Variants in NCOR2 observed in about 807,000 individuals in gnomAD.
NCOR2 encodes the protein nuclear receptor corepressor 2.
A neutral mutation model predicts 262.9 loss-of-function variants in NCOR2; 81 were observed. The observed-to-expected ratio is 0.31, with a 90% CI of 0.26 to 0.37. The LOEUF (loss-of-function observed/expected upper bound fraction) is 0.37. Among genes scored for constraint, NCOR2 ranks in the 10% least tolerant of loss-of-function variants. The pLI, the probability that NCOR2 is intolerant of heterozygous loss-of-function variation, is 1.00. For synonymous variants in NCOR2, 1,659 were observed against 1,559.3 expected, an observed-to-expected ratio of 1.06 and a Z score of -1.51; for missense variants, 3,385 against 3,621.4, an observed-to-expected ratio of 0.93 and a Z score of 1.68.
chr12:124,344,389 G>C (rs533273477), intron 32 of NCOR2, among the ~76,000 whole-genome samples: 34 of 152,346 alleles, frequency 2.2e-4, no homozygotes, highest in Admixed American at 5.9e-4. Context: ...GAAGCTAGGT[G>C]AGACACCACG....
At chr12:124,334,581 G>C (rs2035707740) in exon 41 of NCOR2, 1 of 1,414,228 alleles carries the variant, frequency 7.1e-7, no homozygotes, top group Admixed American at 3.2e-5. Flanking sequence ...CTGAGCTGCT[G>C]TGGGTGGTGC....
At chr12:124,332,000 T>C (rs1405498992) in intron 43 of NCOR2, 4 of 346,376 alleles carry the variant, frequency 1.2e-5, no homozygotes, top group Non-Finnish European at 2.2e-5. Context: ...GTGCTGAGTG[T>C]GGGAGGCGCC....
chr12:124,479,218 ACACATGCACACACACGTG>A (rs1355536250), intron 3 of NCOR2, among the ~76,000 whole-genome samples: 4 of 152,216 alleles, frequency 2.6e-5, no homozygotes, highest in Admixed American at 6.5e-5. Flanking sequence ...CTGCGCACAA[ACACATGCACACACACGTG>A]CACATGCACA....
At chr12:124,565,270 G>C (rs1489126940) in intron 1 of NCOR2, among the ~76,000 whole-genome samples, 1 of 152,116 alleles carries the variant, frequency 6.6e-6, no homozygotes, top group Non-Finnish European at 1.5e-5. Flanking sequence ...CTGGGCACCG[G>C]CACCACAGAC....
chr12:124,456,244 G>A (rs954623278), intron 6 of NCOR2, among the ~76,000 whole-genome samples: 2 of 152,224 alleles, frequency 1.3e-5, no homozygotes, highest in African/African-American at 4.8e-5. Context: ...TGCACACAGA[G>A]ACTCTCCCTC....
intron 13 of NCOR2, among the ~76,000 whole-genome samples, chr12:124,403,166 A>G (rs2042073721): frequency 6.6e-6 from 1 of 152,028 alleles, no homozygotes; most frequent in South Asian, 2.1e-4. Context: ...TCGGTCTCCG[A>G]GTCTGTAAAA....
chr12:124,509,643 G>T (rs542241720), intron 1 of NCOR2, among the ~76,000 whole-genome samples: 1 of 152,304 alleles, frequency 6.6e-6, no homozygotes, highest in African/African-American at 2.4e-5. Flanking sequence ...AAATGGAATG[G>T]GAGACCCAGG....
At chr12:124,501,175 G>A (rs925000445) in intron 1 of NCOR2, among the ~76,000 whole-genome samples, 2 of 151,814 alleles carry the variant, frequency 1.3e-5, no homozygotes, top group African/African-American at 4.8e-5. Flanking sequence ...GCGGAACCAC[G>A]GCGGGAACAC....
chr12:124,359,164 C>T (rs1395818696), intron 22 of NCOR2, among the ~76,000 whole-genome samples: 1 of 152,234 alleles, frequency 6.6e-6, no homozygotes, highest in Admixed American at 6.5e-5. Flanking sequence ...GAAATCTGTC[C>T]TCAGCTCTGA....
At chr12:124,529,496 AT>A (rs2050674626) in intron 1 of NCOR2, among the ~76,000 whole-genome samples, 1 of 152,214 alleles carries the variant, frequency 6.6e-6, no homozygotes, top group African/African-American at 2.4e-5. Flanking sequence ...AAATAAAAAA[AT>A]AAATAACAAC....
In NCOR2 at chr12:124,483,341, C is replaced by G. The variant is rs1482701042; in HGVS notation, c.411+255G>C. On this transcript the variant is annotated intron_variant, in intron 3 of 46. Transcript: ENST00000405201. The surrounding 1 kb of genome is among the most constrained non-coding windows in gnomAD (Gnocchi z 6.3). ...CCCGTGACCACAAGCCTATTCCTGCCCCAGGGCCTTTGCACTTGCTGCTCT... is the reference window on the plus strand; with the variant it reads ...CCCGTGACCACAAGCCTATTCCTGCGCCAGGGCCTTTGCACTTGCTGCTCT... Among the ~76,000 whole-genome samples the G allele has an allele frequency of 6.6e-6, 1 of 152,198 alleles. No homozygotes were observed. The highest frequency in any genetic ancestry group is 1.5e-5 in the Non-Finnish European group (1 of 68,026).
In NCOR2 at chr12:124,400,481, A is replaced by G. The variant is rs1233535657; in HGVS notation, c.1813+20T>C. On this transcript the variant is annotated intron_variant, in intron 15 of 46. Coordinates refer to ENST00000405201, the Ensembl canonical transcript of NCOR2. ...TGTCTCCAGCCCCTTCCCCACCCGC[A>G]TCCCTGGCCCCCAGCTCACCCAGCT... 1.2e-6 allele frequency: 2 copies of G among 1,605,448 alleles called. No homozygotes were observed. Among genetic ancestry groups the G allele is most frequent in the South Asian group, 1.1e-5 (1 of 90,952 alleles).
intron 1 of NCOR2, among the ~76,000 whole-genome samples, chr12:124,563,577 T>C (rs973217597): frequency 6.6e-6 from 1 of 152,262 alleles, no homozygotes; most frequent in African/African-American, 2.4e-5. Context: ...GCCCAGCCTA[T>C]GGGCACTCCA....
intron 38 of NCOR2, 92 bp from the exon 41 acceptor site, chr12:124,335,724 G>T (rs917772803): frequency 2.1e-6 from 3 of 1,411,576 alleles, no homozygotes; most frequent in South Asian, 1.4e-5. Context: ...CTGGGACCCC[G>T]GGGGGGTCAA....
In NCOR2 at chr12:124,481,674, G is replaced by A. The variant is rs2047498454; in HGVS notation, c.411+1922C>T. 6.6e-6 allele frequency among the ~76,000 whole-genome samples: 1 copy of A among 152,182 alleles called. No individual in the cohort carries two copies. The highest frequency in any genetic ancestry group is 2.1e-4 in the South Asian group (1 of 4,836). The stretch of plus-strand genomic sequence containing the variant: ...GTTGAGAGGGCTGCTGCAGGGAGAT[G>A]AGGTCAGGGAGGTGACGGGGCTGGA... On this transcript the variant is annotated intron_variant, in intron 3 of 46. Transcript: ENST00000405201. The surrounding 1 kb of genome is among the most constrained non-coding windows in gnomAD (Gnocchi z 4.6).
Position 124,458,930 on chromosome 12 carries a change from G to C in NCOR2, c.706-1768C>G, listed in dbSNP as rs74856799. The stretch of plus-strand genomic sequence containing the variant: ...CTAAGCCAGGCCCAGTGAAGGACTG[G>C]GTATGGGGTAGCATGGGGGCAGGGC... On this transcript the variant is annotated intron_variant, in intron 5 of 46. Coordinates refer to ENST00000405201, the Ensembl canonical transcript of NCOR2. 6.3e-3 allele frequency among the ~76,000 whole-genome samples: 955 copies of C among 152,278 alleles called. 3 individuals carry two copies. The highest frequency in any genetic ancestry group is 0.011 in the Non-Finnish European group (755 of 68,004).
At chr12:124,412,947 C>G (rs1261677559) in intron 13 of NCOR2, among the ~76,000 whole-genome samples, 1 of 152,230 alleles carries the variant, frequency 6.6e-6, no homozygotes, top group Non-Finnish European at 1.5e-5. Context: ...GGGCACAGCC[C>G]CAGGATGCTG....
intron 17 of NCOR2, among the ~76,000 whole-genome samples, chr12:124,379,983 G>A (rs2040293129): frequency 1.3e-5 from 2 of 152,168 alleles, no homozygotes; most frequent in Admixed American, 6.5e-5. Context: ...CCCTGTGGAC[G>A]CTTTGGTTCC....
intron 13 of NCOR2, among the ~76,000 whole-genome samples, chr12:124,410,338 T>C (rs1458281722): frequency 6.6e-6 from 1 of 150,740 alleles, no homozygotes; most frequent in African/African-American, 2.4e-5. Context: ...GTCTGCTCCA[T>C]CCCTGGGCTC....
Sources: gnomAD v4.1 joint callset for allele counts (sites outside exome capture counted in the v4.1 genomes callset) on GRCh38, gnomAD v4.1.1 for gene constraint, Gnocchi (gnomAD v3.1) non-coding constraint, MANE v1.5 for transcripts, NCBI Gene and HGNC (gene_info 2026-07-23, HGNC 2026-07-21) for gene names.